The following KCNIP4 variants were observed in gnomAD, a reference collection of about 807,000 sequenced individuals.
The protein encoded by KCNIP4 is potassium voltage-gated channel interacting protein 4.
Under a neutral mutation model 34.0 loss-of-function variants are expected in KCNIP4, and 12 were observed. The observed-to-expected ratio is 0.35, with a 90% CI of 0.23 to 0.57. The LOEUF is 0.57. Ranked by LOEUF, KCNIP4 falls within the 20% of genes least tolerant of loss-of-function variation. The probability of loss-of-function intolerance (pLI) is 0.83; values close to 1 mark genes in which losing one functional copy is unlikely to be tolerated. For synonymous variants in KCNIP4, 124 were observed against 102.2 expected (o/e 1.21, Z -1.29); for missense variants, 238 against 311.7 (o/e 0.76, Z 1.78).
At chr4:21,896,162 C>T (rs1018807373) in intron 1 of KCNIP4, among the ~76,000 whole-genome samples, 1 of 152,174 alleles carries the variant, frequency 6.6e-6, no homozygotes, top group African/African-American at 2.4e-5. Context: ...CTCCATCTTA[C>T]ATATGAAATT....
chr4:21,728,757 G>A (rs1330595188), intron 1 of KCNIP4, among the ~76,000 whole-genome samples: 5 of 152,066 alleles, frequency 3.3e-5, no homozygotes, highest in African/African-American at 1.2e-4. Context: ...GTTTGCCTTT[G>A]AGGATCCTCC....
intron 3 of KCNIP4, among the ~76,000 whole-genome samples, chr4:20,842,157 T>C (rs1402197020): frequency 2.0e-5 from 3 of 152,174 alleles, no homozygotes; most frequent in Non-Finnish European, 2.9e-5. Flanking sequence ...TTTTTGTCAG[T>C]GTATCCTAAA....
chr4:20,743,010 ATGTGAAGGACCCTTATAAGGG>A (rs199529463), intron 5 of KCNIP4, among the ~76,000 whole-genome samples: 28,747 of 148,650 alleles, frequency 0.19, 3,073 homozygotes, highest in African/African-American at 0.3. Flanking sequence ...CTTATATGGG[ATGTGAAGGACCCTTATAAGGG>A]TGTGAAGGAC....
At position 20,858,840 on chromosome 4, in the gene KCNIP4, G is replaced by A. The variant is rs148659024; in HGVS notation, c.164-8173C>T. Reference sequence around the variant, plus strand: ...ATAGCTACATTTTACAAGAAGTCATGTAGCCCTCATTTTACAAGGAGTAAA... The same window carrying A: ...ATAGCTACATTTTACAAGAAGTCATATAGCCCTCATTTTACAAGGAGTAAA... On this transcript the variant is annotated intron_variant, in intron 2 of 8. Transcript: ENST00000382152. Among the ~76,000 whole-genome samples, 24 of 152,272 alleles carry A rather than the reference G, an allele frequency of 1.6e-4. No homozygotes were observed. The East Asian group carries it at 4.1e-3, about 26-fold the overall frequency.
intron 1 of KCNIP4, among the ~76,000 whole-genome samples, chr4:21,793,739 C>T (rs1720442289): frequency 6.6e-6 from 1 of 152,036 alleles, no homozygotes; most frequent in African/African-American, 2.4e-5. Context: ...AGGTCTGGGC[C>T]CAATTGCCAC....
At chr4:20,906,417 G>A (rs977469487) in intron 1 of KCNIP4, among the ~76,000 whole-genome samples, 2 of 152,104 alleles carry the variant, frequency 1.3e-5, no homozygotes, top group Admixed American at 1.3e-4. Flanking sequence ...AGAGCAGTCT[G>A]TCTAAAGCCT....
intron 1 of KCNIP4, among the ~76,000 whole-genome samples, chr4:21,672,061 A>G (rs1749541398): frequency 6.6e-6 from 1 of 152,132 alleles, no homozygotes; most frequent in Non-Finnish European, 1.5e-5. Flanking sequence ...TTATGCTAAG[A>G]TAGATCATAT....
At chr4:21,128,517 T>G (rs147067185) in intron 1 of KCNIP4, among the ~76,000 whole-genome samples, 67 of 152,302 alleles carry the variant, frequency 4.4e-4, no homozygotes, top group African/African-American at 1.5e-3. Flanking sequence ...TGAAATGGTT[T>G]GCCTCCATAA....
chr4:21,075,872 G>T (rs893900199), intron 1 of KCNIP4, among the ~76,000 whole-genome samples: 8 of 152,120 alleles, frequency 5.3e-5, no homozygotes, highest in Non-Finnish European at 8.8e-5. Context: ...TGTCTGTAAA[G>T]GATTTTATTT....
intron 1 of KCNIP4, among the ~76,000 whole-genome samples, chr4:20,999,989 G>A (rs1737961339): frequency 6.6e-6 from 1 of 152,068 alleles, no homozygotes; most frequent in Non-Finnish European, 1.5e-5. Flanking sequence ...TGCCAAGGAA[G>A]GGCGGAAAAA....
chr4:21,618,701 T>C (rs1273256033), intron 1 of KCNIP4, among the ~76,000 whole-genome samples: 2 of 147,410 alleles, frequency 1.4e-5, no homozygotes, highest in South Asian at 2.1e-4. Context: ...GGCGTGATCT[T>C]GGCTCACTGC....
chr4:21,884,390 C>T (rs187377726), intron 1 of KCNIP4, among the ~76,000 whole-genome samples: 2 of 152,012 alleles, frequency 1.3e-5, no homozygotes, highest in South Asian at 2.1e-4. Flanking sequence ...ACAATGGAGC[C>T]GTTGTCGTTA....
At chr4:21,685,213 A>G (rs891846407) in intron 1 of KCNIP4, among the ~76,000 whole-genome samples, 2 of 152,200 alleles carry the variant, frequency 1.3e-5, no homozygotes, top group African/African-American at 4.8e-5. Flanking sequence ...ATAATTGCAT[A>G]ATGTTTTACA....
intron 1 of KCNIP4, among the ~76,000 whole-genome samples, chr4:21,001,669 C>G (rs534745641): frequency 3.1e-4 from 47 of 152,266 alleles, no homozygotes; most frequent in African/African-American, 1.1e-3. Context: ...GTTAAAGATA[C>G]GGTAGCAGAG....
intron 1 of KCNIP4, among the ~76,000 whole-genome samples, chr4:21,042,555 G>A (rs1007536011): frequency 2.0e-5 from 3 of 152,110 alleles, no homozygotes; most frequent in Non-Finnish European, 2.9e-5. Context: ...GGAGATAGTA[G>A]GCACTTGGTC....
At chr4:21,360,331 G>A (rs999722433) in intron 1 of KCNIP4, among the ~76,000 whole-genome samples, 1 of 151,960 alleles carries the variant, frequency 6.6e-6, no homozygotes, top group Non-Finnish European at 1.5e-5. Flanking sequence ...AATAAATTTT[G>A]TTTGTATCTT....
At chr4:20,882,765 G>A in intron 1 of KCNIP4, 56 bp from the exon 2 acceptor site, 1 of 1,382,160 alleles carries the variant, frequency 7.2e-7, no homozygotes, top group South Asian at 1.2e-5. Flanking sequence ...AAAGGGACGT[G>A]CTGCAGGGTT....
chr4:21,870,126 T>C (rs756017519), intron 1 of KCNIP4, among the ~76,000 whole-genome samples: 2 of 152,144 alleles, frequency 1.3e-5, no homozygotes, highest in Non-Finnish European at 2.9e-5. Context: ...CCCTTGCAAC[T>C]TAGCGTCACC....
intron 1 of KCNIP4, among the ~76,000 whole-genome samples, chr4:21,348,337 A>C (rs959728034): frequency 2.0e-5 from 3 of 152,196 alleles, no homozygotes; most frequent in Non-Finnish European, 2.9e-5. Flanking sequence ...TACAAAATAG[A>C]CACAGTTGTC....
Sources: allele counts gnomAD v4.1 joint callset (sites outside exome capture counted in the v4.1 genomes callset), GRCh38; gene constraint gnomAD v4.1.1; transcripts MANE v1.5; gene names NCBI Gene and HGNC (gene_info 2026-07-23, HGNC 2026-07-21).